Variants in YWHAQ observed in about 807,000 individuals in gnomAD.
The protein encoded by YWHAQ is 14-3-3 protein theta.
A neutral mutation model predicts 28.3 loss-of-function variants in YWHAQ; 6 were observed. The ratio of observed to expected loss-of-function variants is 0.21; its 90% CI spans 0.12 to 0.42. The LOEUF (loss-of-function observed/expected upper bound fraction) is 0.42, where lower values mean the gene tolerates loss of function less well. YWHAQ is among the 10% of genes least tolerant of loss of function. YWHAQ has a pLI of 1.00. For missense variants in YWHAQ, 201 were observed against 305.6 expected, an observed-to-expected ratio of 0.66 and a Z score of 2.55; for synonymous variants, 143 against 119.1, an observed-to-expected ratio of 1.20 and a Z score of -1.31.
At chr2:9,593,689 G>A (rs1341378864) in intron 2 of YWHAQ, among the ~76,000 whole-genome samples, 1 of 151,696 alleles carries the variant, frequency 6.6e-6, no homozygotes, top group African/African-American at 2.4e-5. Flanking sequence ...AAAATTAGGT[G>A]TGGTGGCATA....
In YWHAQ at chr2:9,584,055, G is replaced by A. The variant is rs1412031002; in HGVS notation, c.*1231C>T. The A allele has an allele frequency of 1.3e-5, 2 of 152,252 alleles. No individual in the cohort carries two copies. The highest frequency in any genetic ancestry group is 2.9e-5 in the Non-Finnish European group (2 of 68,030). The allele number at this position is 152,252 out of a possible 1,614,324, so 9.4% of individuals were successfully genotyped here. ...CATCTGAGGAAGAGATGGCCCATGA[G>A]ACTGATCTATAGTAAAACACTCTAA... On this transcript the variant is annotated 3_prime_UTR_variant, in exon 6 of 6. Coordinates refer to ENST00000238081, the MANE Select transcript of YWHAQ (RefSeq NM_006826.4).
At chr2:9,590,030 G>C (rs1666427106) in intron 3 of YWHAQ, among the ~76,000 whole-genome samples, 1 of 152,164 alleles carries the variant, frequency 6.6e-6, no homozygotes, top group Admixed American at 6.5e-5. Context: ...CATGCAATAA[G>C]AAGTTCTTGC....
rs993715803 is a variant in YWHAQ at position 9,630,640 on chromosome 2, G to C, written c.-82-106C>G. Reference sequence around the variant, plus strand: ...TTGTCTCCCGCACACGCGGCCGCTTGAATTTCCCTCTCCCCCGCCCCCTCC... The same window carrying C: ...TTGTCTCCCGCACACGCGGCCGCTTCAATTTCCCTCTCCCCCGCCCCCTCC... On this transcript the variant is annotated intron_variant, in intron 1 of 5. Transcript: ENST00000238081. The surrounding 1 kb of genome is among the most constrained non-coding windows in gnomAD (Gnocchi z 5.6). 478 of 551,716 alleles carry C rather than the reference G, an allele frequency of 8.7e-4. 1 individual carries two copies. Among genetic ancestry groups the C allele is most frequent in the Non-Finnish European group, 1.3e-3 (426 of 329,422 alleles). 34.2% of individuals were successfully genotyped at this position (551,716 alleles called of 1,614,324 possible). A position where few individuals can be genotyped will look rare whatever the true frequency, so the allele number is the denominator to read the frequency against.
intron 2 of YWHAQ, chr2:9,620,538 T>C (rs1667122324): frequency 6.6e-6 from 1 of 152,234 alleles, no homozygotes; most frequent in African/African-American, 2.4e-5. Flanking sequence ...TTCATGGATG[T>C]CAACTCTGCT....
rs761020810 is a variant in YWHAQ, at chr2:9,630,438, C to A, written c.15G>T (p.Glu5Asp). Residue 5 changes from glutamate to aspartate, a missense_variant, in exon 2 of 6, where the codon GAG becomes GAT. By Grantham distance (45) the Glu-to-Asp change is conservative. Coordinates refer to ENST00000238081, the MANE Select transcript of YWHAQ (RefSeq NM_006826.4). This position sits in a 1 kb window ranked among gnomAD's most constrained non-coding sequence, Gnocchi z 5.6. The part of the protein sequence containing the change: MEKT[E>D]LIQKAKLAEQ... ...CGGCCAGCTTGGCCTTCTGGATCAGCTCAGTCTTCTCCATGGCGGGCGCGG... is the reference window on the plus strand; with the variant it reads ...CGGCCAGCTTGGCCTTCTGGATCAGATCAGTCTTCTCCATGGCGGGCGCGG... 1.2e-6 allele frequency: 2 copies of A among 1,609,176 alleles called. No individual in the cohort carries two copies. Among genetic ancestry groups the A allele is most frequent in the Non-Finnish European group, 1.7e-6 (2 of 1,179,208 alleles).
At chr2:9,608,050 T>C (rs1666871050) in intron 2 of YWHAQ, among the ~76,000 whole-genome samples, 1 of 151,920 alleles carries the variant, frequency 6.6e-6, no homozygotes, top group Non-Finnish European at 1.5e-5. Context: ...GTATATCAGA[T>C]TAAAACACAC....
chr2:9,585,258 G>A lies in YWHAQ; in HGVS notation c.*28C>T, dbSNP rs1465380965. 6.2e-7 allele frequency: 1 copy of A among 1,613,508 alleles called. No homozygotes were observed. The highest frequency in any genetic ancestry group is 2.2e-5 in the East Asian group (1 of 44,850). ...GAGATGTGTAAAAAGGTTTCTTGAA[G>A]GAAAGAAGGATGACACCCTGTATGG... is the stretch of plus-strand genomic sequence containing the variant. On this transcript the variant is annotated 3_prime_UTR_variant, in exon 6 of 6. Coordinates refer to ENST00000238081, the MANE Select transcript of YWHAQ (RefSeq NM_006826.4).
At chr2:9,602,299 T>C (rs1163605908) in intron 2 of YWHAQ, among the ~76,000 whole-genome samples, 1 of 151,998 alleles carries the variant, frequency 6.6e-6, no homozygotes, top group Admixed American at 6.6e-5. Flanking sequence ...TGGTGCCTCA[T>C]GCCTGTAAGT....
At chr2:9,619,504 T>C (rs1230844818) in intron 2 of YWHAQ, among the ~76,000 whole-genome samples, 1 of 151,908 alleles carries the variant, frequency 6.6e-6, no homozygotes, top group Non-Finnish European at 1.5e-5. Flanking sequence ...ACTGAGATCG[T>C]GCCACTACAT....
At chr2:9,617,111 C>T (rs890002530) in intron 2 of YWHAQ, among the ~76,000 whole-genome samples, 6 of 151,044 alleles carry the variant, frequency 4.0e-5, no homozygotes, top group African/African-American at 1.5e-4. Flanking sequence ...CAGGTGCCTG[C>T]CACTACGCCC....
chr2:9,606,066 A>G (rs1051829106), intron 2 of YWHAQ, among the ~76,000 whole-genome samples: 1 of 152,088 alleles, frequency 6.6e-6, no homozygotes, highest in Non-Finnish European at 1.5e-5. Flanking sequence ...TGGGCACCCT[A>G]ATTATTTATT....
chr2:9,623,828 T>C (rs1407374927), intron 2 of YWHAQ, among the ~76,000 whole-genome samples: 1 of 152,008 alleles, frequency 6.6e-6, no homozygotes, highest in East Asian at 1.9e-4. Context: ...GAACCACATA[T>C]GCCAAGCTAC....
chr2:9,606,163 T>C (rs559103247), intron 2 of YWHAQ, among the ~76,000 whole-genome samples: 1 of 152,346 alleles, frequency 6.6e-6, no homozygotes, highest in East Asian at 1.9e-4. Flanking sequence ...ACAAGATAAA[T>C]TGTTAAACTG....
chr2:9,608,097 G>C (rs73913144), intron 2 of YWHAQ, among the ~76,000 whole-genome samples: 4,885 of 152,162 alleles, frequency 0.032, 276 homozygotes, highest in African/African-American at 0.11. Context: ...TAAGAAATGT[G>C]TGACTCACAA....
At chr2:9,613,920 C>T (rs996004684) in intron 2 of YWHAQ, among the ~76,000 whole-genome samples, 2 of 152,232 alleles carry the variant, frequency 1.3e-5, no homozygotes, top group African/African-American at 4.8e-5. Flanking sequence ...AAGATGGTAG[C>T]CTCTGACAAG....
chr2:9,595,771 G>A (rs6734469), intron 2 of YWHAQ, among the ~76,000 whole-genome samples: 87,695 of 150,632 alleles, frequency 0.58, 27,849 homozygotes, highest in African/African-American at 0.81. Context: ...TCTTCTGTAC[G>A]TTATTCTTAT....
At chr2:9,606,339 G>A (rs1045951994) in intron 2 of YWHAQ, among the ~76,000 whole-genome samples, 2 of 152,200 alleles carry the variant, frequency 1.3e-5, no homozygotes, top group African/African-American at 2.4e-5. Flanking sequence ...GCCAAGGCAG[G>A]CAGACTGCCT....
chr2:9,590,890 T>C (rs1666442572), intron 3 of YWHAQ, among the ~76,000 whole-genome samples: 1 of 152,186 alleles, frequency 6.6e-6, no homozygotes, highest in African/African-American at 2.4e-5. Flanking sequence ...ATTTCACCTC[T>C]CCTCAGAAAT....
chr2:9,627,701 T>G (rs987045470), intron 2 of YWHAQ, among the ~76,000 whole-genome samples: 2 of 152,138 alleles, frequency 1.3e-5, no homozygotes, highest in African/African-American at 4.8e-5. Flanking sequence ...CAGTTTCCCA[T>G]GAACCAAATG....
Sources: allele counts gnomAD v4.1 joint callset (sites outside exome capture counted in the v4.1 genomes callset), GRCh38; gene constraint gnomAD v4.1.1; non-coding constraint Gnocchi (gnomAD v3.1); transcripts MANE v1.5; gene names NCBI Gene and HGNC (gene_info 2026-07-23, HGNC 2026-07-21).